The following ASB7 variants were observed in gnomAD, a reference collection of about 807,000 sequenced individuals.
The protein encoded by ASB7 is ankyrin repeat and SOCS box containing 7, also known as ankyrin repeat and SOCS box protein 7.
In ASB7, 4 loss-of-function variants were observed where a neutral mutation model predicts 32.5. The ratio of observed to expected loss-of-function variants is 0.12; its 90% CI spans 0.06 to 0.28. The LOEUF is 0.28. Among genes scored for constraint, ASB7 ranks in the 10% least tolerant of loss-of-function variants. The pLI, the probability that ASB7 is intolerant of heterozygous loss-of-function variation, is 1.00. For synonymous variants in ASB7, 172 were observed against 155.6 expected (o/e 1.11, Z -0.78); for missense variants, 181 against 407.1 (o/e 0.44, Z 4.78).
intron 4 of ASB7, among the ~76,000 whole-genome samples, chr15:100,624,228 C>T (rs1048091821): frequency 2.6e-5 from 4 of 152,110 alleles, no homozygotes; most frequent in East Asian, 1.9e-4. Context: ...GAAGTTCTGA[C>T]GTTCAATAGC....
chr15:100,622,949 T>TG (rs1454928458), intron 4 of ASB7, among the ~76,000 whole-genome samples: 1 of 152,078 alleles, frequency 6.6e-6, no homozygotes, highest in East Asian at 1.9e-4. Flanking sequence ...TTTTAGAAAC[T>TG]GAAAAACCTT....
At chr15:100,605,762 A>T (rs1443043786) in intron 2 of ASB7, among the ~76,000 whole-genome samples, 1 of 152,232 alleles carries the variant, frequency 6.6e-6, no homozygotes, top group East Asian at 1.9e-4. Context: ...CTAGGTTAAT[A>T]AGATAATATT....
Position 100,645,932 on chromosome 15 carries a change from G to T in ASB7, c.818-2391G>T, listed in dbSNP as rs138672741. ...TTGTGGCCAGAGAAGGTCACTATGG[G>T]AGTCCTTGTTAGTCCCAACTGCTCT... On this transcript the variant is annotated intron_variant, in intron 5 of 5. Coordinates refer to ENST00000332783, the MANE Select transcript of ASB7 (RefSeq NM_198243.3). The T allele has an allele frequency of 6.4e-4, 390 of 612,444 alleles. 1 individual carries two copies. Among genetic ancestry groups the T allele is most frequent in the Non-Finnish European group, 9.4e-4 (304 of 323,340 alleles). The allele number at this position is 612,444 out of a possible 1,614,324, so 37.9% of individuals were successfully genotyped here. A position where few individuals can be genotyped will look rare whatever the true frequency, so the allele number is the denominator to read the frequency against.
At chr15:100,627,342 T>C (rs1398256419) in intron 4 of ASB7, among the ~76,000 whole-genome samples, 1 of 152,222 alleles carries the variant, frequency 6.6e-6, no homozygotes, top group Admixed American at 6.5e-5. Context: ...GGATACAGAG[T>C]GACATGAGTT....
chr15:100,613,650 C>T (rs947400486), intron 4 of ASB7, among the ~76,000 whole-genome samples: 4 of 152,142 alleles, frequency 2.6e-5, no homozygotes, highest in Admixed American at 6.5e-5. Flanking sequence ...AAAGTCAGAA[C>T]GGTTAAAATT....
intron 5 of ASB7, among the ~76,000 whole-genome samples, chr15:100,633,755 G>A (rs2039902429): frequency 6.6e-6 from 1 of 152,186 alleles, no homozygotes; most frequent in African/African-American, 2.4e-5. Context: ...GGACATTTTG[G>A]AGGTAAATAG....
intron 2 of ASB7, 82 bp downstream of exon 2, chr15:100,603,395 G>A (rs1342844685): frequency 1.8e-5 from 3 of 167,192 alleles, no homozygotes; most frequent in African/African-American, 7.2e-5. Flanking sequence ...CAGGGTGGTT[G>A]CCTGGGAATG....
chr15:100,613,177 C>T (rs910925684), intron 4 of ASB7, among the ~76,000 whole-genome samples: 1 of 152,124 alleles, frequency 6.6e-6, no homozygotes, highest in Non-Finnish European at 1.5e-5. Flanking sequence ...TTGAAAGCAG[C>T]TTGGTTGGGG....
intron 1 of ASB7, 84 bp downstream of exon 1, chr15:100,603,130 C>T (rs1415669795): frequency 2.5e-6 from 1 of 397,494 alleles, no homozygotes; most frequent in African/African-American, 2.1e-5. Context: ...TCTTGCCTGC[C>T]CTTGCCACTC....
At chr15:100,620,397 A>G (rs183390741) in intron 4 of ASB7, among the ~76,000 whole-genome samples, 5 of 152,360 alleles carry the variant, frequency 3.3e-5, no homozygotes, top group African/African-American at 1.2e-4. Flanking sequence ...ACAGTGGAAC[A>G]CTGGCCTGTG....
chr15:100,626,787 T>C (rs910829570), intron 4 of ASB7, among the ~76,000 whole-genome samples: 1 of 151,658 alleles, frequency 6.6e-6, no homozygotes, highest in Non-Finnish European at 1.5e-5. Flanking sequence ...TACAAAAGAG[T>C]GAACTGTCGA....
intron 4 of ASB7, among the ~76,000 whole-genome samples, chr15:100,623,403 C>CA (rs1453138263): frequency 6.6e-6 from 1 of 151,942 alleles, no homozygotes. Context: ...AATTACATCT[C>CA]AAAAAAACAA....
Position 100,602,685 on chromosome 15 carries a change from G to T in ASB7, c.-634G>T, listed in dbSNP as rs564581642. ...CCGGAGACCCCACGGCTGGCACTTC[G>T]GGCCCCGTATGACCTGGGACCTCGC... On this transcript the variant is annotated 5_prime_UTR_variant, in exon 1 of 6. Coordinates refer to ENST00000332783, the MANE Select transcript of ASB7 (RefSeq NM_198243.3). 6 of 316,176 alleles carry T rather than the reference G, an allele frequency of 1.9e-5. No individual in the cohort carries two copies. The highest frequency in any genetic ancestry group is 5.0e-5 in the Admixed American group (1 of 20,012). The allele number at this position is 316,176 out of a possible 1,614,324, so 19.6% of individuals were successfully genotyped here.
At chr15:100,639,624 A>G (rs899253406) in intron 5 of ASB7, among the ~76,000 whole-genome samples, 2 of 152,054 alleles carry the variant, frequency 1.3e-5, no homozygotes, top group East Asian at 1.9e-4. Flanking sequence ...GCGTAGTACA[A>G]CTCTTTGGAG....
At chr15:100,621,948 G>A (rs2039796301) in intron 4 of ASB7, among the ~76,000 whole-genome samples, 1 of 151,534 alleles carries the variant, frequency 6.6e-6, no homozygotes, top group Non-Finnish European at 1.5e-5. Flanking sequence ...CCTAGCCAGA[G>A]CAGTCAAGCA....
At chr15:100,624,389 T>G (rs768580897) in intron 4 of ASB7, among the ~76,000 whole-genome samples, 5 of 152,232 alleles carry the variant, frequency 3.3e-5, no homozygotes, top group African/African-American at 4.8e-5. Flanking sequence ...TTACACATTC[T>G]GTGCATGTAA....
intron 4 of ASB7, among the ~76,000 whole-genome samples, chr15:100,624,478 T>C (rs772093262): frequency 4.6e-5 from 7 of 152,214 alleles, no homozygotes; most frequent in Non-Finnish European, 1.0e-4. Flanking sequence ...AAGGGATATG[T>C]CACTACAGAT....
At chr15:100,618,612 CTGTGTGTGTGGTG>C (rs1597001760) in intron 4 of ASB7, among the ~76,000 whole-genome samples, 1 of 118,426 alleles carries the variant, frequency 8.4e-6, no homozygotes, top group East Asian at 2.1e-4. Flanking sequence ...TCTCACCCTG[CTGTGTGTGTGGTG>C]TGTGTGTGTG....
intron 5 of ASB7, among the ~76,000 whole-genome samples, chr15:100,633,667 AGGAG>A (rs1325720980): frequency 6.6e-6 from 1 of 151,366 alleles, no homozygotes; most frequent in East Asian, 1.9e-4. Context: ...GAAGGAAGGA[AGGAG>A]GAAGGAAGGA....
Sources: gnomAD v4.1 joint callset for allele counts (sites outside exome capture counted in the v4.1 genomes callset) on GRCh38, gnomAD v4.1.1 for gene constraint, MANE v1.5 for transcripts, NCBI Gene and HGNC (gene_info 2026-07-23, HGNC 2026-07-21) for gene names.